Variants in ZMYM1 observed in about 807,000 individuals in gnomAD.
The protein encoded by ZMYM1 is zinc finger MYM-type protein 1.
A neutral mutation model predicts 60.0 loss-of-function variants in ZMYM1; 39 were observed. That is an observed-to-expected ratio of 0.65 (90% CI 0.50 to 0.85). ZMYM1 has a LOEUF of 0.85. Among genes scored for constraint, ZMYM1 ranks in the 40% least tolerant of loss-of-function variants. ZMYM1 has a pLI of 0.00. For synonymous variants in ZMYM1, 413 were observed against 454.0 expected, an observed-to-expected ratio of 0.91 and a Z score of 1.15; for missense variants, 1,171 against 1,309.5, an observed-to-expected ratio of 0.89 and a Z score of 1.63.
In ZMYM1 at chr1:35,114,799, A is replaced by C; in HGVS notation, c.2969A>C (p.Lys990Thr). The C allele has an allele frequency of 6.2e-7, 1 of 1,606,884 alleles. No individual in the cohort carries two copies. Residue 990 changes from lysine to threonine, a missense_variant, in exon 10 of 10, where the codon AAA (lysine) becomes ACA (threonine). Physicochemically the swap from Lys to Thr is moderately conservative, Grantham distance 78. Coordinates refer to ENST00000359858, the MANE Select transcript of ZMYM1 (RefSeq NM_024772.5). Reference protein sequence around the residue: ...KLCFSEFDYCKIKQISELLFK... With the variant: ...KLCFSEFDYCTIKQISELLFK... ...TGTTTTTCGGAGTTTGATTATTGCA[A>C]AATAAAGCAAATTTCAGAACTGTTA...
downstream of ZMYM1, among the ~76,000 whole-genome samples, chr1:35,116,684 C>T (rs898802258): frequency 6.6e-6 from 1 of 151,948 alleles, no homozygotes; most frequent in Non-Finnish European, 1.5e-5. Context: ...TCTTGAACTC[C>T]TGACGTCAGG....
chr1:35,080,098 CAA>C (rs56835808), intron 1 of ZMYM1, among the ~76,000 whole-genome samples: 1 of 149,504 alleles, frequency 6.7e-6, no homozygotes. Context: ...GACCCCGTCT[CAA>C]AAAAAAAAAT....
At chr1:35,117,706 C>T (rs565080378), downstream of ZMYM1, among the ~76,000 whole-genome samples, 1 of 151,756 alleles carries the variant, frequency 6.6e-6, no homozygotes, top group African/African-American at 2.4e-5. Context: ...TTTGGGAGGC[C>T]GAGGCGGGCA....
chr1:35,112,895 T>C, intron 9 of ZMYM1, 82 bp from the exon 10 acceptor site: 2 of 1,232,232 alleles, frequency 1.6e-6, no homozygotes, highest in Non-Finnish European at 2.1e-6. Context: ...TTTATTTTAC[T>C]ATGTTATTAG....
intron 1 of ZMYM1, among the ~76,000 whole-genome samples, chr1:35,085,071 A>G (rs2971424): frequency 0.03 from 4,584 of 151,836 alleles, 216 homozygotes; most frequent in African/African-American, 0.1. Context: ...TTTTGGAGAC[A>G]GAGTCTCGCT....
chr1:35,065,144 G>T (rs1315743501), intron 1 of ZMYM1, among the ~76,000 whole-genome samples: 1 of 151,882 alleles, frequency 6.6e-6, no homozygotes. Flanking sequence ...AACTGCATGG[G>T]TCCACTTTTA....
At chr1:35,107,257 G>A (rs1377524184) in intron 6 of ZMYM1, among the ~76,000 whole-genome samples, 2 of 146,872 alleles carry the variant, frequency 1.4e-5, no homozygotes, top group Non-Finnish European at 3.0e-5. Flanking sequence ...TCAGGAGATC[G>A]AGACCATCCT....
Position 35,088,454 on chromosome 1 carries a change from A to ATATATATATATG in ZMYM1, c.-74-5459_-74-5458insATATATATATGT, listed in dbSNP as rs1464546786. On this transcript the variant is annotated intron_variant, in intron 1 of 9. Coordinates refer to ENST00000359858, the MANE Select transcript of ZMYM1 (RefSeq NM_024772.5). ...TATGTGTATATATATATATATATAT[A>ATATATATATATG]TGTGTGTGTGTGTGTGTGTGTGTGT... 1.1e-3 allele frequency among the ~76,000 whole-genome samples: 121 copies of ATATATATATATG among 107,236 alleles called. 1 individual carries two copies. The highest frequency in any genetic ancestry group is 1.8e-3 in the East Asian group (5 of 2,808). The allele number at this position is 107,236 out of a possible 152,430, so 70.4% of individuals were successfully genotyped here.
At chr1:35,106,608 C>CAAAAA (rs752085700) in intron 6 of ZMYM1, among the ~76,000 whole-genome samples, 6 of 38,840 alleles carry the variant, frequency 1.5e-4, no homozygotes, top group African/African-American at 3.7e-4. Flanking sequence ...GACTCCGTCT[C>CAAAAA]AAAAAAAAAA....
intron 6 of ZMYM1, among the ~76,000 whole-genome samples, chr1:35,105,252 G>A (rs1312149681): frequency 7.8e-5 from 11 of 141,208 alleles, no homozygotes; most frequent in African/African-American, 2.4e-4. Context: ...CTCCTGCCTC[G>A]GCCTCCCAAG....
chr1:35,096,892 C>T (rs1643363248), intron 3 of ZMYM1, among the ~76,000 whole-genome samples: 2 of 152,160 alleles, frequency 1.3e-5, no homozygotes, highest in Non-Finnish European at 2.9e-5. Flanking sequence ...CGGGGTTTCA[C>T]CATATTGCCC....
rs150312742 is a variant in ZMYM1, at chr1:35,071,715, T to C, written c.-300-7279T>C. On this transcript the variant is annotated intron_variant, in intron 1 of 10. Coordinates refer to the ZMYM1 transcript ENST00000417119. The stretch of plus-strand genomic sequence containing the variant: ...GAACTGTAGTTTTGTTGTTGTTTTG[T>C]CTTTGTATGGTTTGGAATCAAGGTA... 2.8e-3 allele frequency among the ~76,000 whole-genome samples: 424 copies of C among 152,326 alleles called. 4 individuals carry two copies. The highest frequency in any genetic ancestry group is 3.4e-3 in the Middle Eastern group (1 of 294).
chr1:35,094,214 A>G (rs1643185499), intron 2 of ZMYM1, 131 bp downstream of exon 2: 8 of 670,954 alleles, frequency 1.2e-5, no homozygotes, highest in Non-Finnish European at 1.7e-5. Flanking sequence ...ATTAAATAAT[A>G]CAAGGTATAT....
At position 35,068,653 on chromosome 1, in the gene ZMYM1, T is replaced by A. The variant is rs929211557; in HGVS notation, c.-301+8728T>A. On this transcript the variant is annotated intron_variant, in intron 1 of 10. Coordinates refer to the ZMYM1 transcript ENST00000417119. ...AAATCCATACGCAAAAAAAAAAATA[T>A]ATATATATATATATAAAACTACACC... 4.2e-3 allele frequency among the ~76,000 whole-genome samples: 599 copies of A among 143,492 alleles called. 3 individuals carry two copies. The highest frequency in any genetic ancestry group is 0.013 in the African/African-American group (509 of 39,188). 94.1% of individuals were successfully genotyped at this position (143,492 alleles called of 152,430 possible).
upstream of ZMYM1, among the ~76,000 whole-genome samples, chr1:35,078,537 AT>A (rs751468260): frequency 0.013 from 1,028 of 82,180 alleles, no homozygotes; most frequent in East Asian, 0.045. Flanking sequence ...GGTTATTTTA[AT>A]TTTTTTTTTT....
chr1:35,092,065 AC>A (rs1263973681), intron 1 of ZMYM1, among the ~76,000 whole-genome samples: 1 of 151,962 alleles, frequency 6.6e-6, no homozygotes, highest in Non-Finnish European at 1.5e-5. Flanking sequence ...AGCTGGGATT[AC>A]AGGCACCTGC....
At chr1:35,096,974 A>G (rs537152854) in intron 3 of ZMYM1, among the ~76,000 whole-genome samples, 1 of 152,090 alleles carries the variant, frequency 6.6e-6, no homozygotes, top group East Asian at 1.9e-4. Context: ...TACAGGCGTT[A>G]GCCACCACAC....
At chr1:35,090,765 G>A (rs1642954123) in intron 1 of ZMYM1, among the ~76,000 whole-genome samples, 1 of 152,048 alleles carries the variant, frequency 6.6e-6, no homozygotes, top group African/African-American at 2.4e-5. Flanking sequence ...TGACCAACAT[G>A]GAGAAACCCT....
chr1:35,083,673 T>C (rs752339101), intron 1 of ZMYM1, among the ~76,000 whole-genome samples: 3 of 152,174 alleles, frequency 2.0e-5, no homozygotes, highest in Non-Finnish European at 4.4e-5. Context: ...TGGTGTGCAG[T>C]GGTGCGATCA....
Sources: gnomAD v4.1 joint callset for allele counts (sites outside exome capture counted in the v4.1 genomes callset) on GRCh38, gnomAD v4.1.1 for gene constraint, MANE v1.5 for transcripts, NCBI Gene and HGNC (gene_info 2026-07-23, HGNC 2026-07-21) for gene names.